The following COL11A2 variants were observed in gnomAD, a reference collection of about 807,000 sequenced individuals.
COL11A2 encodes the protein collagen type XI alpha 2 chain.
A neutral mutation model predicts 273.4 loss-of-function variants in COL11A2; 116 were observed. That is an observed-to-expected ratio of 0.42 (90% CI 0.36 to 0.49). The LOEUF is 0.49. COL11A2 is among the 20% of genes least tolerant of loss of function. The pLI is 0.00. For synonymous variants in COL11A2, 782 were observed against 864.2 expected, an observed-to-expected ratio of 0.90 and a Z score of 1.67; for missense variants, 1,866 against 2,309.0, an observed-to-expected ratio of 0.81 and a Z score of 3.93.
chr6:33,165,569 C>T lies in COL11A2; in HGVS notation c.4730G>A (p.Cys1577Tyr), dbSNP rs757289137. The change falls in exon 63 of 66, where the codon TGC (cysteine) becomes TAC (tyrosine). Residue 1577 changes from cysteine to tyrosine, a missense_variant. Transcript: ENST00000341947. This position sits in a 1 kb window ranked among gnomAD's most constrained non-coding sequence, Gnocchi z 7.7. Reference sequence around the variant, plus strand: ...CTGACCATCGGGAAGCTCTGGGTGGCACAGCTTCAGGTCCTGGCAGGTGCG... The same window carrying T: ...CTGACCATCGGGAAGCTCTGGGTGGTACAGCTTCAGGTCCTGGCAGGTGCG... ...PARTCQDLKL[C>Y]HPELPDGEYW... The T allele has an allele frequency of 1.2e-6, 2 of 1,613,244 alleles. No individual in the cohort carries two copies. Among genetic ancestry groups the T allele is most frequent in the South Asian group, 2.2e-5 (2 of 91,080 alleles).
At position 33,180,664 on chromosome 6, in the gene COL11A2, T is replaced by G; in HGVS notation, c.1284+4A>C. On this transcript the variant is annotated splice_donor_region_variant and intron_variant, in intron 11 of 65. Coordinates refer to ENST00000341947, the MANE Select transcript of COL11A2 (RefSeq NM_080680.3). ...CCCCCGTCACATGGAGGACACCCCC[T>G]TACCCTCTCTCCAGGGTCTCCAACT... The G allele has an allele frequency of 6.2e-7, 1 of 1,604,802 alleles. No individual in the cohort carries two copies. The highest frequency in any genetic ancestry group is 8.5e-7 in the Non-Finnish European group (1 of 1,176,008).
Position 33,167,233 on chromosome 6 carries a change from C to G in COL11A2, c.4176+31G>C. 1 of 1,614,144 alleles carries G rather than the reference C, an allele frequency of 6.2e-7. No homozygotes were observed. The highest frequency in any genetic ancestry group is 8.5e-7 in the Non-Finnish European group (1 of 1,179,998). The stretch of plus-strand genomic sequence containing the variant: ...GCTCTGTCCCAGGGCACTGCCCTCA[C>G]CCCTCACTCAGCCCAATCCCAGTCA... On this transcript the variant is annotated intron_variant, in intron 57 of 65. Transcript: ENST00000341947. The surrounding 1 kb of genome is among the most constrained non-coding windows in gnomAD (Gnocchi z 6.1).
chr6:33,191,525 C>T (rs889446705), intron 1 of COL11A2, among the ~76,000 whole-genome samples: 19 of 152,224 alleles, frequency 1.2e-4, no homozygotes, highest in African/African-American at 4.6e-4. Context: ...AGGGGCTAGG[C>T]AGGAATGCAA....
In COL11A2 at chr6:33,189,566, A is replaced by G; in HGVS notation, c.83-97T>C. On this transcript the variant is annotated intron_variant, in intron 1 of 65. Transcript: ENST00000341947. The surrounding 1 kb of genome is among the most constrained non-coding windows in gnomAD (Gnocchi z 5.6). ...CTAGAACTCAGCTTTCCAGGGCTCA[A>G]ACTCCCTGCAAGGGAAAGGTCACCT... 1 of 1,503,458 alleles carries G rather than the reference A, an allele frequency of 6.7e-7. No homozygotes were observed. The highest frequency in any genetic ancestry group is 9.1e-7 in the Non-Finnish European group (1 of 1,098,864). 93.1% of individuals were successfully genotyped at this position (1,503,458 alleles called of 1,614,324 possible).
Position 33,190,736 on chromosome 6 carries a change from A to G in COL11A2, c.83-1267T>C, listed in dbSNP as rs551915416. 6.6e-6 allele frequency among the ~76,000 whole-genome samples: 1 copy of G among 152,076 alleles called. No individual in the cohort carries two copies. The highest frequency in any genetic ancestry group is 1.5e-5 in the Non-Finnish European group (1 of 67,944). ...CGCGTGTGGCAGCTCCGCAAACACCAACACACAAGGGCCGCTTTGAGAGAC... is the reference window on the plus strand; with the variant it reads ...CGCGTGTGGCAGCTCCGCAAACACCGACACACAAGGGCCGCTTTGAGAGAC... On this transcript the variant is annotated intron_variant, in intron 1 of 65. Transcript: ENST00000341947. This position sits in a 1 kb window ranked among gnomAD's most constrained non-coding sequence, Gnocchi z 4.5.
In COL11A2 at chr6:33,178,248, A is replaced by G; in HGVS notation, c.1818+60T>C. 1 of 1,612,542 alleles carries G rather than the reference A, an allele frequency of 6.2e-7. No homozygotes were observed. The highest frequency in any genetic ancestry group is 8.5e-7 in the Non-Finnish European group (1 of 1,179,832). ...ATAAAACTGTGTCCCTTTAGTGCTCATGTCCCCCTCCTGGCTTCCCCAGAG... is the reference window on the plus strand; with the variant it reads ...ATAAAACTGTGTCCCTTTAGTGCTCGTGTCCCCCTCCTGGCTTCCCCAGAG... On this transcript the variant is annotated intron_variant, in intron 20 of 65. Coordinates refer to ENST00000341947, the MANE Select transcript of COL11A2 (RefSeq NM_080680.3). The surrounding 1 kb of genome is among the most constrained non-coding windows in gnomAD (Gnocchi z 4.6).
At chr6:33,184,362 T>A (rs556947414) in intron 7 of COL11A2, 38 bp from the exon 8 acceptor site, 1 of 1,330,226 alleles carries the variant, frequency 7.5e-7, no homozygotes, top group East Asian at 4.6e-5. Context: ...TAGATGGGGA[T>A]GTTAGGGCTG....
In COL11A2 at chr6:33,189,468, A is replaced by C. The variant is rs749803707; in HGVS notation, c.84T>G (p.Gly28=). 3 of 1,613,042 alleles carry C rather than the reference A, an allele frequency of 1.9e-6. No homozygotes were observed. Among genetic ancestry groups the C allele is most frequent in the Non-Finnish European group, 1.7e-6 (2 of 1,180,004 alleles). Residue 28 remains glycine (G), a splice_region_variant and synonymous_variant, in exon 2 of 66, where the codon GGT becomes GGG. Transcript: ENST00000341947. This position sits in a 1 kb window ranked among gnomAD's most constrained non-coding sequence, Gnocchi z 5.6. ...LGLSAAPGWA[G]APPVDVLRAL... ...CCCGGAGCACATCCACAGGGGGTGCACCTGGGAGAGTCCATGATTATCAGG... is the reference window on the plus strand; with the variant it reads ...CCCGGAGCACATCCACAGGGGGTGCCCCTGGGAGAGTCCATGATTATCAGG...
At chr6:33,180,881 G>A (rs1206987757) in intron 10 of COL11A2, 83 bp downstream of exon 10, 7 of 1,574,788 alleles carry the variant, frequency 4.4e-6, no homozygotes, top group Non-Finnish European at 6.1e-6. Flanking sequence ...GAGGAGGCCT[G>A]GGCATATGTG....
Position 33,170,258 on chromosome 6 carries a change from T to C in COL11A2, c.3582+68A>G, listed in dbSNP as rs147769714. The stretch of plus-strand genomic sequence containing the variant: ...GCCCCTGAGACGATACTAGAGTTTA[T>C]GGTCTGGGAAAGGGAGGCAGAAGAC... On this transcript the variant is annotated intron_variant, in intron 48 of 65. Transcript: ENST00000341947. This position sits in a 1 kb window ranked among gnomAD's most constrained non-coding sequence, Gnocchi z 4.3. 8.5e-4 allele frequency: 1,344 copies of C among 1,587,494 alleles called. 14 individuals carry two copies. The African/African-American group carries it at 0.013, about 15-fold the overall frequency.
Position 33,176,981 on chromosome 6 carries a change from G to A in COL11A2, c.2070+11C>T, listed in dbSNP as rs1232999114. On this transcript the variant is annotated intron_variant, in intron 25 of 65. Coordinates refer to ENST00000341947, the MANE Select transcript of COL11A2 (RefSeq NM_080680.3). This position sits in a 1 kb window ranked among gnomAD's most constrained non-coding sequence, Gnocchi z 4.9. Reference sequence around the variant, plus strand: ...AAGGGGAACTGGATTCGGAAGTGGGGTCCCACTCACCGGGGGTCCGTCTGA... The same window carrying A: ...AAGGGGAACTGGATTCGGAAGTGGGATCCCACTCACCGGGGGTCCGTCTGA... The A allele has an allele frequency of 6.2e-7, 1 of 1,609,674 alleles. No individual in the cohort carries two copies. The highest frequency in any genetic ancestry group is 1.7e-5 in the Admixed American group (1 of 59,508).
Position 33,172,595 on chromosome 6 carries a change from G to A in COL11A2, c.2833C>T (p.Pro945Ser). 1 of 1,612,632 alleles carries A rather than the reference G, an allele frequency of 6.2e-7. No homozygotes were observed. Among genetic ancestry groups the A allele is most frequent in the East Asian group, 2.2e-5 (1 of 44,850 alleles). Reference sequence around the variant, plus strand: ...TCTCCAGGGGGCCCCGGGGGGCCTGGGTGACCTCTCTCCCCCATAGGGCCG... The same window carrying A: ...TCTCCAGGGGGCCCCGGGGGGCCTGAGTGACCTCTCTCCCCCATAGGGCCG... Reference protein sequence around the residue: ...ETGPMGERGHPGPPGPPGEQG... With the variant: ...ETGPMGERGHSGPPGPPGEQG... Residue 945 changes from proline to serine, a missense_variant, in exon 39 of 66, where the codon CCA (proline) becomes TCA (serine). Pro to Ser is a moderately conservative substitution (Grantham distance 74, BLOSUM62 -1). Transcript: ENST00000341947.
chr6:33,169,125 G>T lies in COL11A2; in HGVS notation c.3799-117C>A. 1 of 1,022,960 alleles carries T rather than the reference G, an allele frequency of 9.8e-7. No homozygotes were observed. Among genetic ancestry groups the T allele is most frequent in the Non-Finnish European group, 1.4e-6 (1 of 691,326 alleles). The allele number at this position is 1,022,960 out of a possible 1,614,324, so 63.4% of individuals were successfully genotyped here. ...GGCAGTGCCCACCAGTACCCCCCAG[G>T]AAGAGGTCTCCTGCACCCCTTTCCC... On this transcript the variant is annotated intron_variant, in intron 51 of 65. Transcript: ENST00000341947. This position sits in a 1 kb window ranked among gnomAD's most constrained non-coding sequence, Gnocchi z 5.5.
chr6:33,169,258 C>A lies in COL11A2; in HGVS notation c.3798+125G>T. ...CAGGCATCCCTCTGGATGCCCCATT[C>A]CCAGAGCATCCCCCAAACTCCCGGG... On this transcript the variant is annotated intron_variant, in intron 51 of 65. Coordinates refer to ENST00000341947, the MANE Select transcript of COL11A2 (RefSeq NM_080680.3). The surrounding 1 kb of genome is among the most constrained non-coding windows in gnomAD (Gnocchi z 5.5). 1 of 912,658 alleles carries A rather than the reference C, an allele frequency of 1.1e-6. No individual in the cohort carries two copies. Among genetic ancestry groups the A allele is most frequent in the South Asian group, 1.5e-5 (1 of 67,376 alleles). 56.5% of individuals were successfully genotyped at this position (912,658 alleles called of 1,614,324 possible).
Position 33,175,690 on chromosome 6 carries a change from G to A in COL11A2, c.2269-9C>T, listed in dbSNP as rs368921441. 26 of 1,611,660 alleles carry A rather than the reference G, an allele frequency of 1.6e-5. No homozygotes were observed. The highest frequency in any genetic ancestry group is 2.5e-6 in the Non-Finnish European group (3 of 1,178,872). On this transcript the variant is annotated splice_polypyrimidine_tract_variant and intron_variant, in intron 29 of 65. Transcript: ENST00000341947. ...GGGACTCCAACTTCGCCCTGTGTGA[G>A]AGGGAAGGACAGGTGAGTGCTGGGG... is the stretch of plus-strand genomic sequence containing the variant.
chr6:33,192,188 A>G lies in COL11A2; in HGVS notation c.53T>C (p.Leu18Pro). 1.3e-6 allele frequency: 2 copies of G among 1,566,354 alleles called. No homozygotes were observed. Among genetic ancestry groups the G allele is most frequent in the Non-Finnish European group, 1.7e-6 (2 of 1,155,416 alleles). The part of the protein sequence containing the change: ...HRLLLLLPLV[L>P]GLSAAPGWAG... ...CCAGCCTGGGGCCGCGCTCAGCCCCAGCACCAGAGGTAGGAGGAGGAGGAG... is the reference window on the plus strand; with the variant it reads ...CCAGCCTGGGGCCGCGCTCAGCCCCGGCACCAGAGGTAGGAGGAGGAGGAG... Residue 18 changes from leucine to proline, a missense_variant, in exon 1 of 66, where the codon CTG becomes CCG. Coordinates refer to ENST00000341947, the MANE Select transcript of COL11A2 (RefSeq NM_080680.3).
Position 33,184,178 on chromosome 6 carries a change from A to G in COL11A2, c.1086T>C (p.Pro362=). 2.2e-6 allele frequency: 3 copies of G among 1,367,444 alleles called. No individual in the cohort carries two copies. The highest frequency in any genetic ancestry group is 2.9e-5 in the African/African-American group (2 of 67,860). 84.7% of individuals were successfully genotyped at this position (1,367,444 alleles called of 1,614,324 possible). A position where few individuals can be genotyped will look rare whatever the true frequency, so the allele number is the denominator to read the frequency against. Reference sequence around the variant, plus strand: ...AGTGGGCTGTCTCCGCAGAGAGGGCAGGGCCAAGCTCTGTCTCCTCACGAT... The same window carrying G: ...AGTGGGCTGTCTCCGCAGAGAGGGCGGGGCCAAGCTCTGTCTCCTCACGAT... The part of the protein sequence containing the change: ...DDYREETELG[P]ALSAETAHSG... Residue 362 remains proline (P), a synonymous_variant, in exon 8 of 66, where the codon CCT becomes CCC. Transcript: ENST00000341947.
chr6:33,184,575 G>A lies in COL11A2; in HGVS notation c.940-251C>T, dbSNP rs572705151. On this transcript the variant is annotated intron_variant, in intron 7 of 65. Transcript: ENST00000341947. ...GAAGTGGTGGATAAAATGAAGGGTG[G>A]CCAGAGGACTGGATGCAGAGTGGAC... is the stretch of plus-strand genomic sequence containing the variant. Among the ~76,000 whole-genome samples the A allele has an allele frequency of 2.0e-5, 3 of 152,266 alleles. No homozygotes were observed. In the South Asian group the frequency reaches 6.2e-4, roughly 32 times the overall value.
At chr6:33,184,380 G>A (rs1363131285) in intron 7 of COL11A2, 56 bp from the exon 8 acceptor site, 21 of 1,255,350 alleles carry the variant, frequency 1.7e-5, no homozygotes, top group Non-Finnish European at 2.0e-5. Flanking sequence ...CTGAGAGGAG[G>A]CTTACCCTGG....
Sources: gnomAD v4.1 joint callset for allele counts (sites outside exome capture counted in the v4.1 genomes callset) on GRCh38, gnomAD v4.1.1 for gene constraint, Gnocchi (gnomAD v3.1) non-coding constraint, MANE v1.5 for transcripts, NCBI Gene and HGNC (gene_info 2026-07-23, HGNC 2026-07-21) for gene names.